Variants in MINDY2 observed in about 807,000 individuals in gnomAD.
MINDY2 encodes the protein ubiquitin carboxyl-terminal hydrolase MINDY-2.
MINDY2 carries 52 observed loss-of-function variants against 68.2 expected under a neutral mutation model. The ratio of observed to expected loss-of-function variants is 0.76; its 90% confidence interval spans 0.61 to 0.96. MINDY2 has a LOEUF of 0.96. MINDY2 is among the 40% of genes least tolerant of loss of function. MINDY2 has a pLI of 0.00. For synonymous variants in MINDY2, 372 were observed against 303.0 expected (o/e 1.23, Z -2.36); for missense variants, 881 against 773.4 (o/e 1.14, Z -1.65).
intron 3 of MINDY2, 73 bp downstream of exon 3, chr15:58,802,450 G>A (rs1902730210): frequency 3.1e-6 from 3 of 978,282 alleles, no homozygotes; most frequent in East Asian, 2.7e-5. Context: ...TTAGTAGCTG[G>A]CAGCATTTTT....
At chr15:58,794,991 C>T (rs532867820) in intron 2 of MINDY2, among the ~76,000 whole-genome samples, 1 of 145,940 alleles carries the variant, frequency 6.9e-6, no homozygotes, top group South Asian at 2.2e-4. Flanking sequence ...ATCGAGACCA[C>T]GGTGAAACCC....
chr15:58,847,477 T>C lies in MINDY2; in HGVS notation c.1542+7T>C. 1 of 1,531,034 alleles carries C rather than the reference T, an allele frequency of 6.5e-7. No homozygotes were observed. The highest frequency in any genetic ancestry group is 8.9e-7 in the Non-Finnish European group (1 of 1,123,184). 94.8% of individuals were successfully genotyped at this position (1,531,034 alleles called of 1,614,324 possible). A position where few individuals can be genotyped will look rare whatever the true frequency, so the allele number is the denominator to read the frequency against. Reference sequence around the variant, plus strand: ...ACAAGATCAGATAGATCAGGTAAATTTGTATTGTCGTCTTTATAGTGGTTA... The same window carrying C: ...ACAAGATCAGATAGATCAGGTAAATCTGTATTGTCGTCTTTATAGTGGTTA... On this transcript the variant is annotated splice_region_variant and intron_variant, in intron 7 of 8. Transcript: ENST00000559228.
At chr15:58,797,002 C>A (rs977733158) in intron 2 of MINDY2, among the ~76,000 whole-genome samples, 1 of 152,078 alleles carries the variant, frequency 6.6e-6, no homozygotes, top group Non-Finnish European at 1.5e-5. Context: ...AGATCATTGC[C>A]ATATATCACC....
At chr15:58,840,615 C>T (rs2032228105) in intron 6 of MINDY2, among the ~76,000 whole-genome samples, 1 of 146,922 alleles carries the variant, frequency 6.8e-6, no homozygotes, top group Non-Finnish European at 1.5e-5. Context: ...ACATTGACCT[C>T]ACTATTTATT....
chr15:58,773,057 G>A (rs1490286009), intron 1 of MINDY2, among the ~76,000 whole-genome samples: 1 of 152,080 alleles, frequency 6.6e-6, no homozygotes, highest in Admixed American at 6.6e-5. Context: ...CAGTGTTAGG[G>A]TGCTGAGAAG....
At chr15:58,804,534 G>C (rs985060683) in intron 3 of MINDY2, among the ~76,000 whole-genome samples, 1 of 152,034 alleles carries the variant, frequency 6.6e-6, no homozygotes, top group Non-Finnish European at 1.5e-5. Flanking sequence ...AGCACCAGGC[G>C]TGGTGGCTCA....
At chr15:58,850,464 C>T (rs1468635137) in intron 7 of MINDY2, among the ~76,000 whole-genome samples, 2 of 152,102 alleles carry the variant, frequency 1.3e-5, no homozygotes, top group African/African-American at 2.4e-5. Flanking sequence ...GTAGTTATCT[C>T]TATGTAATGA....
intron 6 of MINDY2, among the ~76,000 whole-genome samples, chr15:58,846,595 C>CAAA (rs11335033): frequency 2.0e-5 from 2 of 98,246 alleles, no homozygotes; most frequent in South Asian, 3.3e-4. Flanking sequence ...TGAGACTCCT[C>CAAA]AAAAAAAAAA....
chr15:58,786,417 T>C (rs1901503957), intron 1 of MINDY2, among the ~76,000 whole-genome samples: 1 of 152,254 alleles, frequency 6.6e-6, no homozygotes. Context: ...TCCTGGAATG[T>C]GCTCGTCACT....
At position 58,802,370 on chromosome 15, in the gene MINDY2, A is replaced by C. The variant is rs1661593320; in HGVS notation, c.956A>C (p.Tyr319Ser). The stretch of plus-strand genomic sequence containing the variant: ...ATTTCAGAAATTCAACGTTTAAATT[A>C]TGAACAGGTAATAAACAGTTTTTGT... ...KEISEIQRLN[Y>S]EQNMSDAMAI... Residue 319 changes from tyrosine (Y) to serine (S), a missense_variant, in exon 3 of 9, where the codon TAT (tyrosine) becomes TCT (serine). Coordinates refer to ENST00000559228, the MANE Select transcript of MINDY2 (RefSeq NM_001040450.3). 6.3e-7 allele frequency: 1 copy of C among 1,580,326 alleles called. No homozygotes were observed. Among genetic ancestry groups the C allele is most frequent in the Non-Finnish European group, 8.6e-7 (1 of 1,160,992 alleles).
chr15:58,826,333 G>A (rs887528842), intron 5 of MINDY2, among the ~76,000 whole-genome samples: 17 of 149,444 alleles, frequency 1.1e-4, no homozygotes, highest in African/African-American at 3.2e-4. Flanking sequence ...AGGCTCAAGC[G>A]ATTCTCCTTC....
chr15:58,816,390 T>A (rs1170198816), intron 4 of MINDY2, among the ~76,000 whole-genome samples: 2 of 152,220 alleles, frequency 1.3e-5, no homozygotes, highest in African/African-American at 2.4e-5. Flanking sequence ...TTCTTTTTTT[T>A]ATTTTTAATT....
intron 1 of MINDY2, among the ~76,000 whole-genome samples, chr15:58,784,721 G>A (rs1293659464): frequency 6.7e-6 from 1 of 150,254 alleles, no homozygotes; most frequent in Non-Finnish European, 1.5e-5. Context: ...CTGGGTTCAA[G>A]TGGTGCTCCC....
intron 3 of MINDY2, among the ~76,000 whole-genome samples, chr15:58,806,921 G>T (rs1339300995): frequency 1.3e-5 from 2 of 152,138 alleles, no homozygotes; most frequent in African/African-American, 4.8e-5. Flanking sequence ...AACTGACAAA[G>T]GTCAAAGACT....
chr15:58,781,304 G>A (rs561096318), intron 1 of MINDY2, among the ~76,000 whole-genome samples: 1 of 152,106 alleles, frequency 6.6e-6, no homozygotes, highest in African/African-American at 2.4e-5. Context: ...AGCCCACCTT[G>A]GCCTCCCAAA....
Position 58,833,619 on chromosome 15 carries a change from TAAAG to T in MINDY2, c.1368+1707_1368+1710del, listed in dbSNP as rs780513424. 6.6e-4 allele frequency among the ~76,000 whole-genome samples: 101 copies of T among 152,000 alleles called. 1 individual carries two copies. Among genetic ancestry groups the T allele is most frequent in the Non-Finnish European group, 8.5e-4 (58 of 67,948 alleles). The stretch of plus-strand genomic sequence containing the variant: ...AAATGTCTCTGCATCATAAACAAGG[TAAAG>T]AAAAAAGTGCTGTGCTGTTGATGTG... On this transcript the variant is annotated intron_variant, in intron 6 of 8. Coordinates refer to ENST00000559228, the MANE Select transcript of MINDY2 (RefSeq NM_001040450.3).
rs181225050 is a variant in MINDY2 at position 58,801,560 on chromosome 15, T to C, written c.899-753T>C. On this transcript the variant is annotated intron_variant, in intron 2 of 8. Transcript: ENST00000559228. ...ACATATATTTAAAAGTTGCCACATA[T>C]ACCAAAAGGTTATACATATATTTAA... Among the ~76,000 whole-genome samples, 7 of 152,252 alleles carry C rather than the reference T, an allele frequency of 4.6e-5. 1 individual carries two copies. In the East Asian group the frequency reaches 1.4e-3, roughly 29 times the overall value.
chr15:58,798,272 A>G (rs1225166002), intron 2 of MINDY2, among the ~76,000 whole-genome samples: 1 of 150,102 alleles, frequency 6.7e-6, no homozygotes, highest in Non-Finnish European at 1.5e-5. Context: ...GCCCGCCACC[A>G]TGCCCAGCTA....
intron 1 of MINDY2, among the ~76,000 whole-genome samples, chr15:58,775,470 T>C (rs2140888875): frequency 6.6e-6 from 1 of 152,290 alleles, no homozygotes; most frequent in South Asian, 2.1e-4. Flanking sequence ...GATAAAGAAA[T>C]GACATGAAGA....
Sources: allele counts gnomAD v4.1 joint callset (sites outside exome capture counted in the v4.1 genomes callset), GRCh38; gene constraint gnomAD v4.1.1; transcripts MANE v1.5; gene names NCBI Gene and HGNC (gene_info 2026-07-23, HGNC 2026-07-21).